Variants in TNC observed in about 807,000 individuals in gnomAD.
TNC encodes tenascin C, also known as tenascin.
TNC carries 109 observed loss-of-function variants against 202.4 expected under a neutral mutation model. That is an observed-to-expected ratio of 0.54 (90% confidence interval 0.46 to 0.63). TNC has a LOEUF of 0.63. Among genes scored for constraint, TNC ranks in the 30% least tolerant of loss-of-function variants. The pLI is 0.00. For synonymous variants in TNC, 1,007 were observed against 1,089.7 expected (o/e 0.92, Z 1.50); for missense variants, 2,756 against 2,833.3 (o/e 0.97, Z 0.62).
chr9:115,042,309 C>G lies in TNC; in HGVS notation c.5158G>C (p.Asp1720His). The G allele has an allele frequency of 6.2e-7, 1 of 1,614,096 alleles. No homozygotes were observed. The highest frequency in any genetic ancestry group is 8.5e-7 in the Non-Finnish European group (1 of 1,179,972). Residue 1720 changes from aspartate to histidine, a missense_variant, in exon 18 of 28, where the codon GAC becomes CAC. Asp to His is a moderately conservative substitution (Grantham distance 81). This residue lies in a region of TNC where 2,559 missense variants were observed against 2,546.0 expected (regional missense o/e 1.01). Coordinates refer to ENST00000350763, the MANE Select transcript of TNC (RefSeq NM_002160.4). Reference protein sequence around the residue: ...MGSPKEVIFSDITENSATVSW... With the variant: ...MGSPKEVIFSHITENSATVSW... ...ACAGTAGCCGAATTTTCAGTGATGTCTGAGAAAATGACTTCCTTTGGGGAG... is the reference window on the plus strand; with the variant it reads ...ACAGTAGCCGAATTTTCAGTGATGTGTGAGAAAATGACTTCCTTTGGGGAG...
intron 25 of TNC, among the ~76,000 whole-genome samples, chr9:115,027,433 T>C (rs1472960927): frequency 6.6e-6 from 1 of 151,846 alleles, no homozygotes; most frequent in Non-Finnish European, 1.5e-5. Context: ...CTACTGAATA[T>C]ACAAAAATTA....
At chr9:115,023,036 G>GC (rs1554786005) in intron 27 of TNC, among the ~76,000 whole-genome samples, 3 of 85,798 alleles carry the variant, frequency 3.5e-5, no homozygotes, top group Admixed American at 2.4e-4. Flanking sequence ...ATGCAAATAT[G>GC]CAAAAAAAAA....
At chr9:115,050,231 G>A (rs1423172313) in intron 15 of TNC, among the ~76,000 whole-genome samples, 1 of 152,194 alleles carries the variant, frequency 6.6e-6, no homozygotes, top group Non-Finnish European at 1.5e-5. Context: ...TGTTATTTAA[G>A]AGTCCCTCCT....
At position 115,059,963 on chromosome 9, in the gene TNC, A is replaced by T. The variant is rs556221120; in HGVS notation, c.4073T>A (p.Val1358Asp). The T allele has an allele frequency of 6.2e-7, 1 of 1,614,046 alleles. No individual in the cohort carries two copies. The highest frequency in any genetic ancestry group is 2.2e-5 in the East Asian group (1 of 44,856). Reference protein sequence around the residue: ...PQLGDLAVSEVGWDGLRLNWT... With the variant: ...PQLGDLAVSEDGWDGLRLNWT... ...GTTGAGTCTGAGGCCATCCCAGCCA[A>T]CCTCAGACACGGCTAAATCTCCCAG... The change falls in exon 14 of 28, where the codon GTT becomes GAT. Residue 1358 changes from valine to aspartate, a missense_variant. Coordinates refer to ENST00000350763, the MANE Select transcript of TNC (RefSeq NM_002160.4).
chr9:115,043,801 C>T (rs1830960089), intron 17 of TNC, among the ~76,000 whole-genome samples: 1 of 152,248 alleles, frequency 6.6e-6, no homozygotes, highest in East Asian at 1.9e-4. Context: ...GGACTTCCCT[C>T]TGCCAACCTG....
In TNC at chr9:115,086,042, A is replaced by G. The variant is rs781423060; in HGVS notation, c.1689T>C (p.Cys563=). Residue 563 remains cysteine, a synonymous_variant, in exon 3 of 28, where the codon TGT becomes TGC. Transcript: ENST00000350763. The part of the protein sequence containing the change: ...FMGKDCKEQR[C]PSDCHGQGRC... Reference sequence around the variant, plus strand: ...GGCCCTGGCCATGACAGTCACTGGGACATCTTTGCTCCTTGCAGTCTTTGC... The same window carrying G: ...GGCCCTGGCCATGACAGTCACTGGGGCATCTTTGCTCCTTGCAGTCTTTGC... 1.2e-6 allele frequency: 2 copies of G among 1,614,004 alleles called. No individual in the cohort carries two copies. Among genetic ancestry groups the G allele is most frequent in the Non-Finnish European group, 1.7e-6 (2 of 1,179,954 alleles).
At chr9:115,026,497 A>C (rs768559977) in intron 26 of TNC, 37 bp downstream of exon 26, 4 of 1,599,910 alleles carry the variant, frequency 2.5e-6, no homozygotes, top group Non-Finnish European at 3.4e-6. Context: ...GAAGGTCTCC[A>C]TGGCTTTGTA....
intron 6 of TNC, among the ~76,000 whole-genome samples, chr9:115,079,028 C>T (rs1457835943): frequency 6.6e-6 from 1 of 152,188 alleles, no homozygotes; most frequent in Non-Finnish European, 1.5e-5. Context: ...ATATTCCCTC[C>T]CTGTGGCTGC....
chr9:115,077,479 C>T (rs147421152), intron 7 of TNC, among the ~76,000 whole-genome samples: 5,224 of 152,284 alleles, frequency 0.034, 310 homozygotes, highest in East Asian at 0.24. Flanking sequence ...CGTGAGCCAC[C>T]ACGCCCGGCC....
Position 115,059,821 on chromosome 9 carries a change from C to G in TNC, c.4215G>C (p.Pro1405=), listed in dbSNP as rs145554864. ...LPGSLRAVDI[P]GLEAATPYRV... ...TATAAGGCGTGGCAGCCTCGAGGCC[C>G]GGGATGTCCACAGCCCTGAGGCTGC... Residue 1405 remains proline, a synonymous_variant, in exon 14 of 28, where the codon CCG becomes CCC. Transcript: ENST00000350763. The G allele has an allele frequency of 1.7e-5, 28 of 1,613,954 alleles. No homozygotes were observed. The African/African-American group carries it at 3.3e-4, about 19-fold the overall frequency.
intron 17 of TNC, among the ~76,000 whole-genome samples, chr9:115,044,668 C>G (rs1252475266): frequency 6.6e-6 from 1 of 152,096 alleles, no homozygotes; most frequent in Non-Finnish European, 1.5e-5. Flanking sequence ...TGTTTATAAA[C>G]CAAGATCAAA....
chr9:115,044,960 A>AG (rs1347110243), intron 17 of TNC, among the ~76,000 whole-genome samples: 2 of 152,230 alleles, frequency 1.3e-5, no homozygotes, highest in African/African-American at 2.4e-5. Flanking sequence ...TGTCATGCCT[A>AG]TGCCTGTCAG....
chr9:115,100,199 A>G (rs987378802), intron 1 of TNC, among the ~76,000 whole-genome samples: 1 of 152,194 alleles, frequency 6.6e-6, no homozygotes, highest in African/African-American at 2.4e-5. Context: ...GTACTTTCCA[A>G]AGACACAGAC....
chr9:115,027,746 AGT>A (rs1829624273), intron 25 of TNC, among the ~76,000 whole-genome samples: 2 of 152,140 alleles, frequency 1.3e-5, no homozygotes, highest in African/African-American at 4.8e-5. Context: ...GTGGTTGGAA[AGT>A]GTGGATTGCA....
chr9:115,116,569 T>A (rs2134559640), intron 1 of TNC, among the ~76,000 whole-genome samples: 2 of 152,308 alleles, frequency 1.3e-5, no homozygotes, highest in South Asian at 4.1e-4. Flanking sequence ...GGAAAAAGTC[T>A]ACAAAAACAT....
At chr9:115,076,610 T>C (rs752843998) in intron 7 of TNC, 35 bp from the exon 8 acceptor site, 3 of 1,607,952 alleles carry the variant, frequency 1.9e-6, no homozygotes, top group Non-Finnish European at 2.6e-6. Context: ...ATTGAACATA[T>C]CAGTCACAAG....
At chr9:115,042,612 G>T (rs779840776) in intron 17 of TNC, among the ~76,000 whole-genome samples, 1 of 152,174 alleles carries the variant, frequency 6.6e-6, no homozygotes, top group African/African-American at 2.4e-5. Context: ...CCAAGGAATC[G>T]TGGGAGAATG....
At chr9:115,022,323 G>A (rs1395175602) in intron 27 of TNC, among the ~76,000 whole-genome samples, 3 of 152,250 alleles carry the variant, frequency 2.0e-5, no homozygotes, top group Non-Finnish European at 4.4e-5. Flanking sequence ...ACAGCTTGGT[G>A]CACATGCTGC....
At chr9:115,043,736 A>AAAC (rs1830951167) in intron 17 of TNC, among the ~76,000 whole-genome samples, 1 of 150,802 alleles carries the variant, frequency 6.6e-6, no homozygotes, top group African/African-American at 2.4e-5. Flanking sequence ...TAACTGGGAA[A>AAAC]AAACAAACAA....
Sources: allele counts gnomAD v4.1 joint callset (sites outside exome capture counted in the v4.1 genomes callset), GRCh38; gene constraint gnomAD v4.1.1; regional missense constraint gnomAD v4.1.1; transcripts MANE v1.5; gene names NCBI Gene and HGNC (gene_info 2026-07-23, HGNC 2026-07-21).